KIF5A: variants seen among roughly 807,000 people sequenced by gnomAD.
The protein encoded by KIF5A is kinesin family member 5A, also known as kinesin heavy chain isoform 5A.
In KIF5A, 35 loss-of-function variants were observed where a neutral mutation model predicts 141.3. The ratio of observed to expected loss-of-function variants is 0.25; its 90% CI spans 0.19 to 0.33. The LOEUF is 0.33. Ranked by LOEUF, KIF5A falls within the 10% of genes least tolerant of loss-of-function variation. The pLI, the probability that KIF5A is intolerant of heterozygous loss-of-function variation, is 1.00. For synonymous variants in KIF5A, 448 were observed against 500.2 expected (o/e 0.90, Z 1.39); for missense variants, 861 against 1,314.3 (o/e 0.66, Z 5.33).
Position 57,550,471 on chromosome 12 carries a change from T to A in KIF5A, c.129+71T>A. On this transcript the variant is annotated intron_variant, in intron 1 of 28. Transcript: ENST00000455537. The surrounding 1 kb of genome is among the most constrained non-coding windows in gnomAD (Gnocchi z 4.6). ...AATCTCCCCGCCCCCCGCAGAGCCT[T>A]AGTCTCTGCTGGTCCCTTTGCTCCC... 3 of 1,511,208 alleles carry A rather than the reference T, an allele frequency of 2.0e-6. No individual in the cohort carries two copies. The highest frequency in any genetic ancestry group is 2.7e-6 in the Non-Finnish European group (3 of 1,091,380). 93.6% of individuals were successfully genotyped at this position (1,511,208 alleles called of 1,614,324 possible). A position where few individuals can be genotyped will look rare whatever the true frequency, so the allele number is the denominator to read the frequency against.
At chr12:57,555,769 C>T (rs1001624038) in intron 1 of KIF5A, among the ~76,000 whole-genome samples, 1 of 149,706 alleles carries the variant, frequency 6.7e-6, no homozygotes, top group African/African-American at 2.5e-5. Context: ...ATTAGCCGGG[C>T]GTGGTGGTGG....
Position 57,550,177 on chromosome 12 carries a change from T to C in KIF5A, c.-95T>C, listed in dbSNP as rs1157424650. 22 of 1,557,262 alleles carry C rather than the reference T, an allele frequency of 1.4e-5. No homozygotes were observed. The highest frequency in any genetic ancestry group is 1.9e-5 in the Non-Finnish European group (22 of 1,136,486). ...TCTGTCCCCAGAGACTGAGCACCTG[T>C]CCTCCGCCTCGGCCTCTGCTGAGAG... On this transcript the variant is annotated 5_prime_UTR_variant, in exon 1 of 29. Coordinates refer to ENST00000455537, the MANE Select transcript of KIF5A (RefSeq NM_004984.4). The surrounding 1 kb of genome is among the most constrained non-coding windows in gnomAD (Gnocchi z 4.6).
intron 16 of KIF5A, 53 bp downstream of exon 16, chr12:57,575,325 T>G: frequency 6.5e-7 from 1 of 1,546,960 alleles, no homozygotes; most frequent in East Asian, 2.3e-5. Flanking sequence ...AGAAGGCTAC[T>G]CTGGGGTTAT....
intron 1 of KIF5A, among the ~76,000 whole-genome samples, chr12:57,553,402 G>A (rs1169240226): frequency 1.3e-5 from 2 of 152,196 alleles, no homozygotes; most frequent in Middle Eastern, 3.2e-3. Context: ...GACCTGCAGG[G>A]TTATTGGAGC....
chr12:57,571,979 G>C, intron 13 of KIF5A, 82 bp from the exon 14 acceptor site: 3 of 1,151,378 alleles, frequency 2.6e-6, no homozygotes, highest in Non-Finnish European at 3.8e-6. Flanking sequence ...GGGTAGGGTG[G>C]GGGCTCAGCT....
chr12:57,571,202 A>T, intron 12 of KIF5A, 119 bp from the exon 13 acceptor site: 1 of 733,488 alleles, frequency 1.4e-6, no homozygotes. Flanking sequence ...GGGGTTTCTA[A>T]CTCAAAGCTT....
chr12:57,572,452 T>C lies in KIF5A; in HGVS notation c.1570-128T>C. On this transcript the variant is annotated intron_variant, in intron 14 of 28. Transcript: ENST00000455537. This position sits in a 1 kb window ranked among gnomAD's most constrained non-coding sequence, Gnocchi z 4.2. ...CTCACAGTCCCTCTGTCTTTCAGAC[T>C]CTTCTGCAGGGCCTGTGTTCTCTTC... is the stretch of plus-strand genomic sequence containing the variant. 1 of 1,365,188 alleles carries C rather than the reference T, an allele frequency of 7.3e-7. No homozygotes were observed. Among genetic ancestry groups the C allele is most frequent in the Non-Finnish European group, 1.0e-6 (1 of 978,424 alleles). The allele number at this position is 1,365,188 out of a possible 1,614,324, so 84.6% of individuals were successfully genotyped here.
rs1882755950 is a variant in KIF5A at position 57,586,210 on chromosome 12, C to G, written c.*2029C>G. 6.6e-6 allele frequency: 1 copy of G among 152,148 alleles called. No individual in the cohort carries two copies. The allele number at this position is 152,148 out of a possible 1,614,324, so 9.4% of individuals were successfully genotyped here. ...GTGGACTTAGGCTAATATTTGCTGT[C>G]AGCAGGGCACTTAAGAATCCAGGGG... On this transcript the variant is annotated 3_prime_UTR_variant, in exon 29 of 29. Coordinates refer to ENST00000455537, the MANE Select transcript of KIF5A (RefSeq NM_004984.4).
rs1882701019 is a variant in KIF5A, at chr12:57,584,537, T to G, written c.*356T>G. The G allele has an allele frequency of 6.6e-6, 1 of 152,520 alleles. No individual in the cohort carries two copies. The highest frequency in any genetic ancestry group is 2.1e-4 in the South Asian group (1 of 4,820). 9.4% of individuals were successfully genotyped at this position (152,520 alleles called of 1,614,324 possible). ...ACACTGAGTGGTGTTAGTCACTGAG[T>G]AGAGGTCACAGAGATGACAAAAGGA... On this transcript the variant is annotated 3_prime_UTR_variant, in exon 29 of 29. Transcript: ENST00000455537.
At chr12:57,553,025 A>G (rs1157121738) in intron 1 of KIF5A, among the ~76,000 whole-genome samples, 1 of 152,072 alleles carries the variant, frequency 6.6e-6, no homozygotes, top group African/African-American at 2.4e-5. Flanking sequence ...GCTTAGCCAA[A>G]GTTAATGGCC....
At chr12:57,559,961 G>T (rs1025236669) in intron 1 of KIF5A, among the ~76,000 whole-genome samples, 5 of 152,050 alleles carry the variant, frequency 3.3e-5, no homozygotes, top group African/African-American at 1.2e-4. Context: ...GCGCGATCTC[G>T]GCTCACTGCA....
In KIF5A at chr12:57,572,621, G is replaced by A. The variant is rs756959491; in HGVS notation, c.1611G>A (p.Gln537=). The A allele has an allele frequency of 1.9e-5, 31 of 1,614,148 alleles. No homozygotes were observed. Among genetic ancestry groups the A allele is most frequent in the Non-Finnish European group, 2.1e-5 (25 of 1,180,060 alleles). Residue 537 remains glutamine (Q), a synonymous_variant, in exon 15 of 29, where the codon CAG becomes CAA. Coordinates refer to ENST00000455537, the MANE Select transcript of KIF5A (RefSeq NM_004984.4). The surrounding 1 kb of genome is among the most constrained non-coding windows in gnomAD (Gnocchi z 4.2). The stretch of plus-strand genomic sequence containing the variant: ...TGGAGTCTGAGTTGCAGCGGCTACA[G>A]GAGGTCAGTGGACACCAGCGAAAAC... ...LSLESELQRL[Q]EVSGHQRKRI...
chr12:57,576,699 C>A (rs2140168554), intron 19 of KIF5A, 62 bp from the exon 20 acceptor site: 1 of 1,233,688 alleles, frequency 8.1e-7, no homozygotes, highest in Non-Finnish European at 1.2e-6. Context: ...AAGAGCTGGC[C>A]TTCCCTTCCC....
At chr12:57,583,300 T>TTTTTTTTTTC in intron 28 of KIF5A, 85 bp downstream of exon 28, 1 of 312,276 alleles carries the variant, frequency 3.2e-6, no homozygotes, top group East Asian at 7.1e-5. Context: ...CTGCTGCTTC[T>TTTTTTTTTTC]TTTTTTTTTT....
At chr12:57,578,162 G>T in intron 22 of KIF5A, 76 bp from the exon 23 acceptor site, 3 of 1,580,018 alleles carry the variant, frequency 1.9e-6, no homozygotes, top group Non-Finnish European at 2.6e-6. Flanking sequence ...TGCCCCTATG[G>T]GGCTGGCTTG....
intron 19 of KIF5A, 89 bp downstream of exon 19, chr12:57,576,467 T>G: frequency 2.0e-6 from 2 of 996,494 alleles, no homozygotes; most frequent in Admixed American, 3.9e-5. Context: ...TCTGATTCTT[T>G]AACATCCATG....
Position 57,572,697 on chromosome 12 carries a change from G to A in KIF5A, c.1687G>A (p.Val563Ile), listed in dbSNP as rs769941982. ...GLMKDLSEFS[V>I]IVGNGEIKLP... ...GATGAAGGATCTGAGCGAGTTCAGT[G>A]TCATTGTGGGCAACGGGGAGATTAA... Residue 563 changes from valine (V) to isoleucine (I), a missense_variant, in exon 15 of 29, where the codon GTC (valine) becomes ATC (isoleucine). Physicochemically the swap from Val to Ile is conservative, Grantham distance 29. Transcript: ENST00000455537. The surrounding 1 kb of genome is among the most constrained non-coding windows in gnomAD (Gnocchi z 4.2). The A allele has an allele frequency of 6.2e-7, 1 of 1,614,232 alleles. No individual in the cohort carries two copies. Among genetic ancestry groups the A allele is most frequent in the South Asian group, 1.1e-5 (1 of 91,086 alleles).
At chr12:57,557,576 C>T (rs1357584580) in intron 1 of KIF5A, among the ~76,000 whole-genome samples, 1 of 151,936 alleles carries the variant, frequency 6.6e-6, no homozygotes, top group Non-Finnish European at 1.5e-5. Flanking sequence ...TACATATATA[C>T]ATATGTTAAT....
At chr12:57,570,287 G>A in intron 12 of KIF5A, 125 bp downstream of exon 12, 1 of 795,278 alleles carries the variant, frequency 1.3e-6, no homozygotes, top group Non-Finnish European at 2.0e-6. Flanking sequence ...TTGAAATGTG[G>A]AAACATCAAT....
Sources: gnomAD v4.1 joint callset for allele counts (sites outside exome capture counted in the v4.1 genomes callset) on GRCh38, gnomAD v4.1.1 for gene constraint, Gnocchi (gnomAD v3.1) non-coding constraint, MANE v1.5 for transcripts, NCBI Gene and HGNC (gene_info 2026-07-23, HGNC 2026-07-21) for gene names.